The following SETD7 variants were observed in gnomAD, a reference collection of about 807,000 sequenced individuals.
SETD7 encodes the protein histone-lysine N-methyltransferase SETD7.
Under a neutral mutation model 41.8 loss-of-function variants are expected in SETD7, and 16 were observed. The observed-to-expected ratio is 0.38, with a 90% CI of 0.26 to 0.58. SETD7 has a LOEUF of 0.58. Ranked by LOEUF, SETD7 falls within the 20% of genes least tolerant of loss-of-function variation. The pLI is 0.64. For synonymous variants in SETD7, 163 were observed against 169.7 expected (o/e 0.96, Z 0.31); for missense variants, 346 against 459.7 (o/e 0.75, Z 2.26).
chr4:139,531,441 G>A (rs549778794), intron 3 of SETD7, among the ~76,000 whole-genome samples: 2 of 152,174 alleles, frequency 1.3e-5, no homozygotes, highest in South Asian at 2.1e-4. Flanking sequence ...CATCAGCAGC[G>A]CCCCAGCACT....
At chr4:139,533,127 T>A (rs1039418596) in intron 3 of SETD7, 38 bp downstream of exon 3, 1 of 1,541,172 alleles carries the variant, frequency 6.5e-7, no homozygotes, top group Non-Finnish European at 9.0e-7. Flanking sequence ...AGTCACAGTA[T>A]GTTACTTTCC....
rs1311729267 is a variant in SETD7, at chr4:139,509,245, A to G, written c.*2418T>C. 6.6e-6 allele frequency: 1 copy of G among 152,420 alleles called. No homozygotes were observed. Among genetic ancestry groups the G allele is most frequent in the Non-Finnish European group, 1.5e-5 (1 of 68,204 alleles). The allele number at this position is 152,420 out of a possible 1,614,324, so 9.4% of individuals were successfully genotyped here. The stretch of plus-strand genomic sequence containing the variant: ...GAGCTGGAAGACACAGAGAGTATGA[A>G]GAGAGTTGGGAGGAAGACATGGTGA... On this transcript the variant is annotated 3_prime_UTR_variant, in exon 8 of 8. Coordinates refer to ENST00000274031, the MANE Select transcript of SETD7 (RefSeq NM_030648.4).
chr4:139,501,851 G>A (rs1279721824), downstream of SETD7, among the ~76,000 whole-genome samples: 5 of 152,198 alleles, frequency 3.3e-5, no homozygotes, highest in Admixed American at 2.0e-4. Context: ...GGCAGGTCCC[G>A]AAGAGTCAGG....
In SETD7 at chr4:139,500,357, A is replaced by T. The variant is rs1488260494; in HGVS notation, c.921-3836T>A. 1.3e-5 allele frequency among the ~76,000 whole-genome samples: 2 copies of T among 152,110 alleles called. 1 individual carries two copies. The highest frequency in any genetic ancestry group is 1.3e-4 in the Admixed American group (2 of 15,262). On this transcript the variant is annotated intron_variant, in intron 7 of 7. Coordinates refer to the SETD7 transcript ENST00000506866. Reference sequence around the variant, plus strand: ...CCCACTCCAGCCTATTCTCAGTACAACAGCCTGAGTGATCCTTTTACACGT... The same window carrying T: ...CCCACTCCAGCCTATTCTCAGTACATCAGCCTGAGTGATCCTTTTACACGT...
chr4:139,511,998 C>T lies in SETD7; in HGVS notation c.921-155G>A, dbSNP rs546616777. 2.0e-5 allele frequency among the ~76,000 whole-genome samples: 3 copies of T among 152,270 alleles called. No homozygotes were observed. In the South Asian group the frequency reaches 6.2e-4, roughly 32 times the overall value. On this transcript the variant is annotated intron_variant, in intron 7 of 7. Transcript: ENST00000274031. ...TGTGGTCACCCAGCATCAGTTTCAC[C>T]CGAGAGCTTATTAGACATGGAGCAT...
intron 2 of SETD7, among the ~76,000 whole-genome samples, chr4:139,537,213 G>T (rs1727663050): frequency 6.6e-6 from 1 of 152,176 alleles, no homozygotes; most frequent in Non-Finnish European, 1.5e-5. Flanking sequence ...GACCTCAAGT[G>T]ATCTGCCCAC....
In SETD7 at chr4:139,547,062, AACC is replaced by A; in HGVS notation, c.41-16_41-14del. The stretch of plus-strand genomic sequence containing the variant: ...TCGTCCAGGTGCCCTGGAGAAAGGG[AACC>A]ACAAGGCAAACCTTAACATCTTCAG... On this transcript the variant is annotated splice_polypyrimidine_tract_variant and intron_variant, in intron 1 of 7. Coordinates refer to ENST00000274031, the MANE Select transcript of SETD7 (RefSeq NM_030648.4). The A allele has an allele frequency of 6.2e-7, 1 of 1,613,658 alleles. No homozygotes were observed. Among genetic ancestry groups the A allele is most frequent in the Non-Finnish European group, 8.5e-7 (1 of 1,179,846 alleles).
At chr4:139,522,049 C>G (rs1727190954) in intron 5 of SETD7, among the ~76,000 whole-genome samples, 1 of 152,200 alleles carries the variant, frequency 6.6e-6, no homozygotes, top group African/African-American at 2.4e-5. Flanking sequence ...AGCCTCATCA[C>G]AACAATAATA....
chr4:139,551,132 G>A (rs1414884682), intron 1 of SETD7, among the ~76,000 whole-genome samples: 2 of 152,200 alleles, frequency 1.3e-5, no homozygotes, highest in Non-Finnish European at 2.9e-5. Flanking sequence ...AGCATGTCCC[G>A]GTTGCAAAGT....
chr4:139,546,683 C>T, intron 2 of SETD7: 1 of 533,266 alleles, frequency 1.9e-6, no homozygotes, highest in Non-Finnish European at 3.3e-6. Context: ...AATCTGGTAT[C>T]TTTTGGCCAA....
At chr4:139,505,760 G>A (rs1228635534), downstream of SETD7, among the ~76,000 whole-genome samples, 1 of 152,090 alleles carries the variant, frequency 6.6e-6, no homozygotes, top group Non-Finnish European at 1.5e-5. Context: ...TATTTGCCCT[G>A]ATCATCTCAT....
chr4:139,545,300 C>A (rs981257844), intron 2 of SETD7, among the ~76,000 whole-genome samples: 18 of 152,070 alleles, frequency 1.2e-4, no homozygotes, highest in Non-Finnish European at 1.9e-4. Flanking sequence ...GGTCTCTACA[C>A]CTCGTGGCAG....
chr4:139,547,377 T>G (rs150909746), intron 1 of SETD7, among the ~76,000 whole-genome samples: 1 of 152,220 alleles, frequency 6.6e-6, no homozygotes, highest in African/African-American at 2.4e-5. Context: ...GCAGGGCATG[T>G]CACAATTTAC....
rs184595970 is a variant in SETD7 at position 139,552,726 on chromosome 4, A to G, written c.40+3372T>C. 9.2e-5 allele frequency among the ~76,000 whole-genome samples: 14 copies of G among 152,268 alleles called. No individual in the cohort carries two copies. In the East Asian group the frequency reaches 1.3e-3, roughly 15 times the overall value. On this transcript the variant is annotated intron_variant, in intron 1 of 7. Coordinates refer to ENST00000274031, the MANE Select transcript of SETD7 (RefSeq NM_030648.4). ...ATTCCATGCCTCCGTGTCTTCACTC[A>G]CAAAGTTCCCCTCTCAACCTGACTC...
At chr4:139,497,386 C>A (rs1040940270) in intron 7 of SETD7, among the ~76,000 whole-genome samples, 1 of 151,240 alleles carries the variant, frequency 6.6e-6, no homozygotes, top group South Asian at 2.1e-4. Context: ...ACACGGGAGG[C>A]GGAGGTTGCA....
chr4:139,528,680 C>A (rs1484001789), intron 4 of SETD7, among the ~76,000 whole-genome samples: 4 of 152,186 alleles, frequency 2.6e-5, no homozygotes, highest in African/African-American at 9.7e-5. Context: ...TATGCTCTGA[C>A]ACTTCTGTGA....
chr4:139,525,083 C>T (rs779873053), intron 4 of SETD7, among the ~76,000 whole-genome samples: 19 of 152,168 alleles, frequency 1.2e-4, no homozygotes, highest in Non-Finnish European at 2.4e-4. Flanking sequence ...TCCCAAAGTG[C>T]GGGTATTACA....
chr4:139,543,026 C>G (rs531396516), intron 2 of SETD7, among the ~76,000 whole-genome samples: 2 of 152,296 alleles, frequency 1.3e-5, no homozygotes, highest in Admixed American at 6.5e-5. Flanking sequence ...TGGGTTCCCA[C>G]AATTTCAGAC....
At position 139,555,824 on chromosome 4, in the gene SETD7, G is replaced by C. The variant is rs1489271997; in HGVS notation, c.40+274C>G. ...AGGTTTCGCAACTCCGAGGGTGGATGCAGGCTGTGGCCGGGCGGGATGGAG... is the reference window on the plus strand; with the variant it reads ...AGGTTTCGCAACTCCGAGGGTGGATCCAGGCTGTGGCCGGGCGGGATGGAG... On this transcript the variant is annotated intron_variant, in intron 1 of 7. Transcript: ENST00000274031. This position sits in a 1 kb window ranked among gnomAD's most constrained non-coding sequence, Gnocchi z 4.0. Among the ~76,000 whole-genome samples the C allele has an allele frequency of 6.6e-6, 1 of 152,138 alleles. No homozygotes were observed. Among genetic ancestry groups the C allele is most frequent in the Non-Finnish European group, 1.5e-5 (1 of 67,998 alleles).
Sources: gnomAD v4.1 joint callset for allele counts (sites outside exome capture counted in the v4.1 genomes callset) on GRCh38, gnomAD v4.1.1 for gene constraint, Gnocchi (gnomAD v3.1) non-coding constraint, MANE v1.5 for transcripts, NCBI Gene and HGNC (gene_info 2026-07-23, HGNC 2026-07-21) for gene names.